The following MTCH1 variants were observed in gnomAD, a reference collection of about 807,000 sequenced individuals.
The protein encoded by MTCH1 is mitochondrial carrier 1, also known as mitochondrial carrier homolog 1.
MTCH1 carries 23 observed loss-of-function variants against 49.3 expected under a neutral mutation model. The ratio of observed to expected loss-of-function variants is 0.47; its 90% CI spans 0.34 to 0.66. MTCH1 has a LOEUF of 0.66. Ranked by LOEUF, MTCH1 falls within the 30% of genes least tolerant of loss-of-function variation. MTCH1 has a pLI of 0.01. For synonymous variants in MTCH1, 229 were observed against 215.2 expected (o/e 1.06, Z -0.56); for missense variants, 397 against 532.1 (o/e 0.75, Z 2.50).
intron 7 of MTCH1, among the ~76,000 whole-genome samples, chr6:36,974,554 G>A (rs1763795747): frequency 6.6e-6 from 1 of 152,044 alleles, no homozygotes; most frequent in Non-Finnish European, 1.5e-5. Context: ...CTTTGTTGCG[G>A]GGCTGTCCTG....
intron 9 of MTCH1, 39 bp from the exon 10 acceptor site, chr6:36,970,512 C>A (rs1037944395): frequency 1.2e-6 from 2 of 1,611,414 alleles, no homozygotes; most frequent in African/African-American, 2.7e-5. Flanking sequence ...TGACCCACCC[C>A]GGCCCAGGGA....
intron 7 of MTCH1, among the ~76,000 whole-genome samples, chr6:36,973,310 G>A (rs981052698): frequency 2.0e-5 from 3 of 152,264 alleles, no homozygotes; most frequent in African/African-American, 7.2e-5. Flanking sequence ...TGCTAAGGAA[G>A]GTTCCCCAAG....
chr6:36,984,701 G>A (rs543398034), intron 1 of MTCH1, among the ~76,000 whole-genome samples: 4 of 151,600 alleles, frequency 2.6e-5, no homozygotes, highest in Admixed American at 1.3e-4. Context: ...ACCTCCACAC[G>A]CCCTTCATTC....
rs1473625223 is a variant in MTCH1 at position 36,977,298 on chromosome 6, T to A, written c.650-48A>T. On this transcript the variant is annotated intron_variant, in intron 5 of 11. Coordinates refer to ENST00000373627, the MANE Select transcript of MTCH1 (RefSeq NM_001271641.2). This position sits in a 1 kb window ranked among gnomAD's most constrained non-coding sequence, Gnocchi z 5.4. ...ACACAGGTGATGTGGTGGGCCACAC[T>A]TCATAATGCTCCAGCCACCGGGTGC... 6.3e-7 allele frequency: 1 copy of A among 1,598,846 alleles called. No homozygotes were observed. Among genetic ancestry groups the A allele is most frequent in the Non-Finnish European group, 8.6e-7 (1 of 1,168,226 alleles).
chr6:36,986,441 G>C (rs1764324993), upstream of MTCH1: 3 of 316,084 alleles, frequency 9.5e-6, no homozygotes, highest in Non-Finnish European at 1.7e-5. Context: ...CGCTCCCCCG[G>C]GATGCCCAGA....
chr6:36,968,273 G>A lies in MTCH1; in HGVS notation c.*630C>T, dbSNP rs1763549132. 1 of 182,488 alleles carries A rather than the reference G, an allele frequency of 5.5e-6. No homozygotes were observed. The highest frequency in any genetic ancestry group is 5.4e-5 in the Admixed American group (1 of 18,582). The allele number at this position is 182,488 out of a possible 1,614,324, so 11.3% of individuals were successfully genotyped here. A position where few individuals can be genotyped will look rare whatever the true frequency, so the allele number is the denominator to read the frequency against. The stretch of plus-strand genomic sequence containing the variant: ...ACAACTGCACAGGTAACCAGATCCT[G>A]TACGCGAGGCATCACCATTAAACAG... On this transcript the variant is annotated 3_prime_UTR_variant, in exon 12 of 12. Transcript: ENST00000373627.
intron 7 of MTCH1, among the ~76,000 whole-genome samples, chr6:36,973,045 T>C (rs1299261979): frequency 6.6e-6 from 1 of 152,188 alleles, no homozygotes. Context: ...CAAGCAGTTT[T>C]CAAACCACAG....
At chr6:36,978,316 A>G (rs1322402858) in intron 3 of MTCH1, among the ~76,000 whole-genome samples, 161 bp from the exon 4 acceptor site, 1 of 152,218 alleles carries the variant, frequency 6.6e-6, no homozygotes, top group Admixed American at 6.5e-5. Flanking sequence ...GGGGGAAAAG[A>G]AAGCCACTAT....
chr6:36,977,265 G>C lies in MTCH1; in HGVS notation c.650-15C>G. On this transcript the variant is annotated splice_polypyrimidine_tract_variant and intron_variant, in intron 5 of 11. Coordinates refer to ENST00000373627, the MANE Select transcript of MTCH1 (RefSeq NM_001271641.2). This position sits in a 1 kb window ranked among gnomAD's most constrained non-coding sequence, Gnocchi z 5.4. ...CATTGAGATGACTGAGGAAAAAAAA[G>C]AAAACACACACAGGTGATGTGGTGG... 1.2e-6 allele frequency: 2 copies of C among 1,613,680 alleles called. No homozygotes were observed. The highest frequency in any genetic ancestry group is 1.7e-6 in the Non-Finnish European group (2 of 1,179,852).
At chr6:36,985,031 A>C (rs1764246295) in intron 1 of MTCH1, among the ~76,000 whole-genome samples, 1 of 149,086 alleles carries the variant, frequency 6.7e-6, no homozygotes, top group Non-Finnish European at 1.5e-5. Context: ...CCCTCTCTAG[A>C]CAAATCGCTG....
At chr6:36,985,300 C>A (rs905652197) in intron 1 of MTCH1, among the ~76,000 whole-genome samples, 2 of 152,102 alleles carry the variant, frequency 1.3e-5, no homozygotes, top group African/African-American at 2.4e-5. Context: ...CTGGCCCTGG[C>A]GCCCACTTTG....
intron 6 of MTCH1, among the ~76,000 whole-genome samples, chr6:36,976,085 C>T (rs886595608): frequency 2.0e-5 from 3 of 152,142 alleles, no homozygotes; most frequent in Non-Finnish European, 4.4e-5. Context: ...GTTAAACAAC[C>T]CTCTAGCAGA....
chr6:36,978,239 C>A, intron 3 of MTCH1, 84 bp from the exon 4 acceptor site: 2 of 1,225,666 alleles, frequency 1.6e-6, no homozygotes, highest in Non-Finnish European at 1.2e-6. Flanking sequence ...GGAACCAGCT[C>A]CAAATATTTC....
chr6:36,971,953 G>A (rs1763700948), intron 8 of MTCH1, among the ~76,000 whole-genome samples: 1 of 152,180 alleles, frequency 6.6e-6, no homozygotes, highest in Non-Finnish European at 1.5e-5. Flanking sequence ...CAAGTGCTGT[G>A]TAGAAGGACC....
chr6:36,983,696 C>G (rs115042529), intron 1 of MTCH1, among the ~76,000 whole-genome samples: 1 of 152,104 alleles, frequency 6.6e-6, no homozygotes, highest in South Asian at 2.1e-4. Context: ...TTAAAATCTC[C>G]GACTCCCAAA....
chr6:36,980,685 G>A (rs1041156880), intron 2 of MTCH1, among the ~76,000 whole-genome samples: 1 of 152,250 alleles, frequency 6.6e-6, no homozygotes, highest in African/African-American at 2.4e-5. Context: ...ATAGATTCTG[G>A]AGAATATTCT....
At position 36,972,597 on chromosome 6, in the gene MTCH1, G is replaced by T; in HGVS notation, c.906+55C>A. ...TCCCAGAATCCTTGAGTTTGTCCCA[G>T]ACCCTGGGCATCAGCAGCACACGGA... is the stretch of plus-strand genomic sequence containing the variant. On this transcript the variant is annotated intron_variant, in intron 8 of 11. Coordinates refer to ENST00000373627, the MANE Select transcript of MTCH1 (RefSeq NM_001271641.2). This position sits in a 1 kb window ranked among gnomAD's most constrained non-coding sequence, Gnocchi z 4.1. The T allele has an allele frequency of 6.6e-7, 1 of 1,520,774 alleles. No homozygotes were observed. The highest frequency in any genetic ancestry group is 1.2e-5 in the South Asian group (1 of 81,784). The allele number at this position is 1,520,774 out of a possible 1,614,324, so 94.2% of individuals were successfully genotyped here.
In MTCH1 at chr6:36,968,535, T is replaced by C. The variant is rs1441105068; in HGVS notation, c.*368A>G. ...GCTGCAGGATGGGCGCTGGGCTGAC[T>C]GGAGGGGTAGACGGGGTGGGGTCTG... On this transcript the variant is annotated 3_prime_UTR_variant, in exon 12 of 12. Coordinates refer to ENST00000373627, the MANE Select transcript of MTCH1 (RefSeq NM_001271641.2). The C allele has an allele frequency of 2.7e-6, 1 of 369,444 alleles. No individual in the cohort carries two copies. Among genetic ancestry groups the C allele is most frequent in the Non-Finnish European group, 5.3e-6 (1 of 188,834 alleles). The allele number at this position is 369,444 out of a possible 1,614,324, so 22.9% of individuals were successfully genotyped here.
chr6:36,976,655 G>A, intron 6 of MTCH1: 3 of 461,354 alleles, frequency 6.5e-6, no homozygotes. Flanking sequence ...GGGCAACCCA[G>A]GTGTGTCCTT....
Sources: allele counts gnomAD v4.1 joint callset (sites outside exome capture counted in the v4.1 genomes callset), GRCh38; gene constraint gnomAD v4.1.1; non-coding constraint Gnocchi (gnomAD v3.1); transcripts MANE v1.5; gene names NCBI Gene and HGNC (gene_info 2026-07-23, HGNC 2026-07-21).